The following PTPN4 variants were observed in gnomAD, a reference collection of about 807,000 sequenced individuals.
PTPN4 encodes the protein protein tyrosine phosphatase non-receptor type 4.
In PTPN4, 49 loss-of-function variants were observed where a neutral mutation model predicts 135.5. That is an observed-to-expected ratio of 0.36 (90% CI 0.29 to 0.46). PTPN4 has a LOEUF of 0.46. Ranked by LOEUF, PTPN4 falls within the 20% of genes least tolerant of loss-of-function variation. The pLI is 1.00. For synonymous variants in PTPN4, 333 were observed against 369.9 expected (o/e 0.90, Z 1.14); for missense variants, 860 against 1,101.0 (o/e 0.78, Z 3.10).
chr2:119,935,036 A>G, intron 15 of PTPN4, 78 bp downstream of exon 15: 1 of 1,418,888 alleles, frequency 7.0e-7, no homozygotes, highest in Non-Finnish European at 9.6e-7. Flanking sequence ...CTGGGAAATT[A>G]GGATATTCGA....
At chr2:119,903,502 C>A (rs1181000484) in intron 10 of PTPN4, among the ~76,000 whole-genome samples, 1 of 151,890 alleles carries the variant, frequency 6.6e-6, no homozygotes, top group African/African-American at 2.4e-5. Flanking sequence ...CCTCAGCTAC[C>A]ACCTCCAGAC....
intron 2 of PTPN4, among the ~76,000 whole-genome samples, chr2:119,841,936 A>C (rs1176031869): frequency 1.3e-5 from 2 of 152,210 alleles, no homozygotes; most frequent in African/African-American, 2.4e-5. Context: ...GGGTGACACT[A>C]TCTGTAAGAA....
intron 2 of PTPN4, among the ~76,000 whole-genome samples, chr2:119,828,195 G>A (rs1340867857): frequency 6.6e-6 from 1 of 152,204 alleles, no homozygotes; most frequent in African/African-American, 2.4e-5. Flanking sequence ...CCAGCCAACA[G>A]TCAGCATCAG....
At chr2:119,959,801 T>A (rs1024141495) in intron 22 of PTPN4, among the ~76,000 whole-genome samples, 2 of 152,146 alleles carry the variant, frequency 1.3e-5, no homozygotes, top group Non-Finnish European at 2.9e-5. Flanking sequence ...TTAGGTCAGT[T>A]CAGGTCAGAT....
chr2:119,836,618 A>G (rs1677298271), intron 2 of PTPN4, among the ~76,000 whole-genome samples: 1 of 152,162 alleles, frequency 6.6e-6, no homozygotes, highest in South Asian at 2.1e-4. Flanking sequence ...TCTGGGGGCA[A>G]CTGCAGCTGC....
At chr2:119,885,450 A>G (rs1678142394) in intron 8 of PTPN4, among the ~76,000 whole-genome samples, 1 of 152,174 alleles carries the variant, frequency 6.6e-6, no homozygotes, top group Non-Finnish European at 1.5e-5. Flanking sequence ...ATCCTGTGTG[A>G]TTTAAATGCA....
chr2:119,924,198 T>A (rs1678781930), intron 12 of PTPN4, among the ~76,000 whole-genome samples: 1 of 151,938 alleles, frequency 6.6e-6, no homozygotes, highest in Non-Finnish European at 1.5e-5. Context: ...CCTTAAAGTT[T>A]GAAACAATTT....
chr2:119,864,858 A>C (rs1172931555), intron 3 of PTPN4, among the ~76,000 whole-genome samples: 2 of 152,128 alleles, frequency 1.3e-5, no homozygotes, highest in African/African-American at 4.8e-5. Context: ...AATAAGATAC[A>C]TTCCAAGTTC....
intron 2 of PTPN4, among the ~76,000 whole-genome samples, chr2:119,847,315 CATAT>C (rs1307603803): frequency 2.1e-5 from 2 of 94,496 alleles, no homozygotes; most frequent in African/African-American, 4.2e-5. Context: ...CACACACACA[CATAT>C]ATATATATAT....
chr2:119,890,711 G>A (rs1051340481), intron 9 of PTPN4, among the ~76,000 whole-genome samples: 1 of 151,998 alleles, frequency 6.6e-6, no homozygotes, highest in Non-Finnish European at 1.5e-5. Context: ...GTGTTTTCAT[G>A]ATGGTAAATG....
In PTPN4 at chr2:119,932,652, A is replaced by G. The variant is rs1302106964; in HGVS notation, c.1196+103A>G. On this transcript the variant is annotated intron_variant, in intron 14 of 26. Coordinates refer to ENST00000263708, the MANE Select transcript of PTPN4 (RefSeq NM_002830.4). The stretch of plus-strand genomic sequence containing the variant: ...GAAGACAAAGATACGCAAAAATTGA[A>G]TTCTTTTGGTGAAACATGATTTTTG... 18 of 1,326,140 alleles carry G rather than the reference A, an allele frequency of 1.4e-5. No homozygotes were observed. The East Asian group carries it at 3.6e-4, about 26-fold the overall frequency. The allele number at this position is 1,326,140 out of a possible 1,614,324, so 82.1% of individuals were successfully genotyped here.
chr2:119,851,891 C>T (rs1249321165), intron 2 of PTPN4, among the ~76,000 whole-genome samples: 1 of 152,114 alleles, frequency 6.6e-6, no homozygotes, highest in East Asian at 1.9e-4. Context: ...TGGGGAGAGC[C>T]CTCTCCTGCC....
chr2:119,886,454 C>T (rs775303683), intron 9 of PTPN4, among the ~76,000 whole-genome samples: 1 of 152,140 alleles, frequency 6.6e-6, no homozygotes, highest in Non-Finnish European at 1.5e-5. Flanking sequence ...CTGGTAACCT[C>T]CTGGCATAAG....
At position 119,857,683 on chromosome 2, in the gene PTPN4, T is replaced by C. The variant is rs1343214045; in HGVS notation, c.139-4853T>C. 2.6e-5 allele frequency among the ~76,000 whole-genome samples: 4 copies of C among 152,258 alleles called. No homozygotes were observed. The East Asian group carries it at 7.7e-4, about 29-fold the overall frequency. On this transcript the variant is annotated intron_variant, in intron 2 of 26. Transcript: ENST00000263708. The stretch of plus-strand genomic sequence containing the variant: ...CTAGAGCATTATTTTAGGAAAATGA[T>C]CTGTTGGTGATAATTTCCTTAAATT...
intron 8 of PTPN4, among the ~76,000 whole-genome samples, chr2:119,884,769 A>G (rs528521942): frequency 6.6e-6 from 1 of 152,316 alleles, no homozygotes; most frequent in African/African-American, 2.4e-5. Context: ...GGGAGTATAT[A>G]TTTAATTTAA....
rs1260358716 is a variant in PTPN4 at position 119,877,515 on chromosome 2, C to A, written c.341C>A (p.Pro114His). The change falls in exon 5 of 27, where the codon CCC (proline) becomes CAC (histidine). Residue 114 changes from proline (P) to histidine (H), a missense_variant. Pro to His is a moderately conservative substitution (Grantham distance 77, BLOSUM62 -2). Transcript: ENST00000263708. ...AGAGTCAAATTTTTTGTAAGTGACC[C>A]CAACAAGTTACAAGAAGAATATACA... The part of the protein sequence containing the change: ...NFRVKFFVSD[P>H]NKLQEEYTRY... 2.5e-6 allele frequency: 4 copies of A among 1,608,352 alleles called. No individual in the cohort carries two copies. The Admixed American group carries it at 6.7e-5, about 27-fold the overall frequency.
chr2:119,888,931 A>G (rs1338974558), intron 9 of PTPN4, among the ~76,000 whole-genome samples: 1 of 152,100 alleles, frequency 6.6e-6, no homozygotes. Context: ...GTGTTTGGTA[A>G]CATTCAGCTT....
rs1690972919 is a variant in PTPN4 at position 119,783,012 on chromosome 2, T to TC, written c.-18+22628_-18+22629insC. 2.0e-5 allele frequency among the ~76,000 whole-genome samples: 3 copies of TC among 151,412 alleles called. 1 individual carries two copies. In the South Asian group the frequency reaches 6.3e-4, roughly 32 times the overall value. ...TGGCTGAAATCCCTTTTTTTTTTTTTACTAAATTCCAGATGAGTGCATCAT... is the reference window on the plus strand; with the variant it reads ...TGGCTGAAATCCCTTTTTTTTTTTTTCACTAAATTCCAGATGAGTGCATCAT... On this transcript the variant is annotated intron_variant, in intron 1 of 26. Transcript: ENST00000263708.
At chr2:119,861,970 G>T (rs963503683) in intron 2 of PTPN4, among the ~76,000 whole-genome samples, 2 of 141,370 alleles carry the variant, frequency 1.4e-5, no homozygotes, top group Non-Finnish European at 3.0e-5. Context: ...TACCATCTTC[G>T]TTCCCCTTTT....
Sources: gnomAD v4.1 joint callset for allele counts (sites outside exome capture counted in the v4.1 genomes callset) on GRCh38, gnomAD v4.1.1 for gene constraint, MANE v1.5 for transcripts, NCBI Gene and HGNC (gene_info 2026-07-23, HGNC 2026-07-21) for gene names.